Variants in MIDN observed in about 807,000 individuals in gnomAD.
MIDN encodes the protein midbrain nucleolar protein.
A neutral mutation model predicts 46.1 loss-of-function variants in MIDN; 26 were observed. That is an observed-to-expected ratio of 0.56 (90% CI 0.41 to 0.78). MIDN has a LOEUF of 0.78. Among genes scored for constraint, MIDN ranks in the 30% least tolerant of loss-of-function variants. The pLI is 0.00. For synonymous variants in MIDN, 432 were observed against 343.3 expected (o/e 1.26, Z -2.86); for missense variants, 850 against 771.8 (o/e 1.10, Z -1.20).
In MIDN at chr19:1,257,164, G is replaced by A. The variant is rs145309911; in HGVS notation, c.1428G>A (p.Gly476=). 52 of 1,611,608 alleles carry A rather than the reference G, an allele frequency of 3.2e-5. No homozygotes were observed. The African/African-American group carries it at 4.0e-4, about 12-fold the overall frequency. Reference sequence around the variant, plus strand: ...GCCGCAGCGACAGCAGTAGCAGCGGGGGCGGCGGCAGCCCCAGCGAGGCCT... The same window carrying A: ...GCCGCAGCGACAGCAGTAGCAGCGGAGGCGGCGGCAGCCCCAGCGAGGCCT... ...KAGRSDSSSS[G]GGGSPSEASG... The change falls in exon 9 of 9, where the codon GGG becomes GGA. Residue 476 remains glycine (G), a synonymous_variant. Coordinates refer to ENST00000682408, the MANE Select transcript of MIDN (RefSeq NM_001388306.1).
In MIDN at chr19:1,255,541, T is replaced by G; in HGVS notation, c.1105T>G (p.Ser369Ala). 6.2e-7 allele frequency: 1 copy of G among 1,611,880 alleles called. No individual in the cohort carries two copies. Among genetic ancestry groups the G allele is most frequent in the Non-Finnish European group, 8.5e-7 (1 of 1,179,550 alleles). The part of the protein sequence containing the change: ...ATRHYQGMPP[S>A]LAQLRCHAQC... The stretch of plus-strand genomic sequence containing the variant: ...CCGGCACTACCAGGGCATGCCCCCT[T>G]CGCTGGCCCAGCTCCGCTGCCACGC... Residue 369 changes from serine to alanine, a missense_variant, in exon 8 of 9, where the codon TCG becomes GCG. By Grantham distance (99) the Ser-to-Ala change is moderately conservative (BLOSUM62 1). Coordinates refer to ENST00000682408, the MANE Select transcript of MIDN (RefSeq NM_001388306.1).
chr19:1,253,043 C>CT (rs2081151694), intron 4 of MIDN, among the ~76,000 whole-genome samples: 2 of 49,262 alleles, frequency 4.1e-5, no homozygotes, highest in Non-Finnish European at 7.8e-5. Flanking sequence ...TTGGGGGGGG[C>CT]TGGAGGGGGT....
At chr19:1,255,885 G>C (rs1244082472) in intron 8 of MIDN, among the ~76,000 whole-genome samples, 191 bp downstream of exon 8, 1 of 152,250 alleles carries the variant, frequency 6.6e-6, no homozygotes, top group Non-Finnish European at 1.5e-5. Flanking sequence ...AAGTGTCCTT[G>C]TGTGCTCCCG....
In MIDN at chr19:1,257,683, G is replaced by A. The variant is rs756940491; in HGVS notation, c.*411G>A. 17 of 194,084 alleles carry A rather than the reference G, an allele frequency of 8.8e-5. No individual in the cohort carries two copies. Among genetic ancestry groups the A allele is most frequent in the African/African-American group, 2.1e-4 (9 of 41,910 alleles). The allele number at this position is 194,084 out of a possible 1,614,324, so 12.0% of individuals were successfully genotyped here. ...CCTTCCGCCGCCTCCTTTCCCCCCC[G>A]ACCCTATTCAGGTTTTAAGTCAAAA... On this transcript the variant is annotated 3_prime_UTR_variant, in exon 9 of 9. Coordinates refer to ENST00000682408, the MANE Select transcript of MIDN (RefSeq NM_001388306.1).
Position 1,257,485 on chromosome 19 carries a change from T to C in MIDN, c.*213T>C. ...TGGACTCTTCATGGGCTTTGCTTCC[T>C]ACCTCCTTCACCCTTCACTCCTGCC... On this transcript the variant is annotated 3_prime_UTR_variant, in exon 9 of 9. Coordinates refer to ENST00000682408, the MANE Select transcript of MIDN (RefSeq NM_001388306.1). The C allele has an allele frequency of 3.8e-6, 2 of 524,706 alleles. No individual in the cohort carries two copies. Among genetic ancestry groups the C allele is most frequent in the East Asian group, 6.7e-5 (2 of 29,868 alleles). The allele number at this position is 524,706 out of a possible 1,614,324, so 32.5% of individuals were successfully genotyped here. A position where few individuals can be genotyped will look rare whatever the true frequency, so the allele number is the denominator to read the frequency against.
At chr19:1,256,858 C>T (rs149580637) in intron 8 of MIDN, 137 bp from the exon 9 acceptor site, 14 of 1,306,674 alleles carry the variant, frequency 1.1e-5, no homozygotes, top group African/African-American at 3.0e-5. Flanking sequence ...ATGTCCTTGA[C>T]TGTTTCCTTT....
intron 2 of MIDN, 101 bp downstream of exon 2, chr19:1,250,630 G>A: frequency 2.0e-6 from 1 of 506,878 alleles, no homozygotes; most frequent in Non-Finnish European, 2.7e-6. Context: ...CGGCCAGACA[G>A]GGGGCGGGGG....
Position 1,257,090 on chromosome 19 carries a change from C to T in MIDN, c.1354C>T (p.Arg452Trp), listed in dbSNP as rs2081208114. ...GCAGAAACGGCTCCGTAGAAAGGCC[C>T]GGCGGGACGCGCGGGGTCCGTACCA... Reference protein sequence around the residue: ...LQQKRLRRKARRDARGPYHWS... With the variant: ...LQQKRLRRKAWRDARGPYHWS... Residue 452 changes from arginine (R) to tryptophan (W), a missense_variant, in exon 9 of 9, where the codon CGG becomes TGG. Arg to Trp is a moderately radical substitution (Grantham distance 101, BLOSUM62 -3). Coordinates refer to ENST00000682408, the MANE Select transcript of MIDN (RefSeq NM_001388306.1). 6 of 1,612,002 alleles carry T rather than the reference C, an allele frequency of 3.7e-6. No homozygotes were observed. Among genetic ancestry groups the T allele is most frequent in the Admixed American group, 3.3e-5 (2 of 59,980 alleles).
intron 4 of MIDN, among the ~76,000 whole-genome samples, chr19:1,252,974 C>T (rs1252812430): frequency 6.8e-6 from 1 of 146,582 alleles, no homozygotes; most frequent in African/African-American, 2.6e-5. Flanking sequence ...GGCAGGGGGC[C>T]CAGGGCGTGT....
In MIDN at chr19:1,249,973, C is replaced by T. The variant is rs1485785751; in HGVS notation, c.-324C>T. 6.6e-6 allele frequency: 1 copy of T among 151,800 alleles called. No individual in the cohort carries two copies. Among genetic ancestry groups the T allele is most frequent in the African/African-American group, 2.4e-5 (1 of 41,358 alleles). 9.4% of individuals were successfully genotyped at this position (151,800 alleles called of 1,614,324 possible). ...CCCGGGCGGCAGACGGCACCCAGCGCCACCAGCCGAGCGGCGCCCCCTCCC... is the reference window on the plus strand; with the variant it reads ...CCCGGGCGGCAGACGGCACCCAGCGTCACCAGCCGAGCGGCGCCCCCTCCC... On this transcript the variant is annotated 5_prime_UTR_variant, in exon 2 of 9. Coordinates refer to ENST00000682408, the MANE Select transcript of MIDN (RefSeq NM_001388306.1).
rs1369074841 is a variant in MIDN at position 1,251,586 on chromosome 19, G to A, written c.258G>A (p.Gln86=). ...GCCGGCTCAGTTCGGGGAAGCTGCA[G>A]GAGTTCGGCGTGGGTGATGGCAGCA... ...KDTRLSSGKL[Q]EFGVGDGSKL... Residue 86 remains glutamine, a synonymous_variant, in exon 3 of 9, where the codon CAG becomes CAA. Coordinates refer to ENST00000682408, the MANE Select transcript of MIDN (RefSeq NM_001388306.1). 3 of 1,606,854 alleles carry A rather than the reference G, an allele frequency of 1.9e-6. No individual in the cohort carries two copies. The highest frequency in any genetic ancestry group is 1.7e-6 in the Non-Finnish European group (2 of 1,177,722).
At chr19:1,256,953 G>A in intron 8 of MIDN, 42 bp from the exon 9 acceptor site, 1 of 1,600,734 alleles carries the variant, frequency 6.2e-7, no homozygotes, top group Non-Finnish European at 8.5e-7. Context: ...GTGTTCAGCA[G>A]GTGGAGGCTT....
chr19:1,254,298 G>A lies in MIDN; in HGVS notation c.645G>A (p.Ala215=), dbSNP rs1438011059. 8.9e-6 allele frequency: 14 copies of A among 1,568,298 alleles called. No homozygotes were observed. Among genetic ancestry groups the A allele is most frequent in the South Asian group, 4.6e-5 (4 of 87,812 alleles). ...PLQHRHVLAA[A]AAAAAARGDP... is the part of the protein sequence containing the mutation. Reference sequence around the variant, plus strand: ...AACACCGCCATGTGCTGGCCGCTGCGGCCGCCGCCGCTGCTGCGCGGGGGG... The same window carrying A: ...AACACCGCCATGTGCTGGCCGCTGCAGCCGCCGCCGCTGCTGCGCGGGGGG... The change falls in exon 6 of 9, where the codon GCG becomes GCA. Residue 215 remains alanine (A), a synonymous_variant. Transcript: ENST00000682408.
Position 1,254,154 on chromosome 19 carries a change from G to T in MIDN, c.514-13G>T. The T allele has an allele frequency of 6.3e-7, 1 of 1,588,346 alleles. No individual in the cohort carries two copies. On this transcript the variant is annotated splice_polypyrimidine_tract_variant and intron_variant, in intron 5 of 8. Transcript: ENST00000682408. ...AGCTGGGGCTCCCAGCTGACGGACC[G>T]CTCTCCTTGCAGGTCAGTGACTTCC... is the stretch of plus-strand genomic sequence containing the variant.
In MIDN at chr19:1,254,343, C is replaced by G. The variant is rs575435876; in HGVS notation, c.690C>G (p.Pro230=). 3.8e-4 allele frequency: 599 copies of G among 1,565,836 alleles called. 7 individuals carry two copies. The South Asian group carries it at 6.4e-3, about 17-fold the overall frequency. ...GGGGGGACCCCAGCATAGCCTCCCC[C>G]GTGTCCTCGCCCTGCCGGCCGGTGT... ...AARGDPSIAS[P]VSSPCRPVSS... is the part of the protein sequence containing the mutation. Residue 230 remains proline (P), a synonymous_variant, in exon 6 of 9, where the codon CCC becomes CCG. Transcript: ENST00000682408.
intron 2 of MIDN, among the ~76,000 whole-genome samples, chr19:1,250,855 C>G (rs1444431881): frequency 6.6e-6 from 1 of 152,074 alleles, no homozygotes; most frequent in Non-Finnish European, 1.5e-5. Flanking sequence ...TCCGCGCCGG[C>G]TTCCGCATCT....
At chr19:1,253,801 C>A in intron 4 of MIDN, 153 bp from the exon 5 acceptor site, 1 of 470,080 alleles carries the variant, frequency 2.1e-6, no homozygotes, top group Non-Finnish European at 3.3e-6. Context: ...TCTAGGGGCC[C>A]ATGAGGGTGG....
intron 4 of MIDN, among the ~76,000 whole-genome samples, chr19:1,252,504 G>A (rs1384813897): frequency 1.3e-5 from 2 of 152,122 alleles, no homozygotes; most frequent in East Asian, 3.9e-4. Flanking sequence ...CAGGAGGGAG[G>A]CTGGGGCTGG....
At chr19:1,253,834 T>C in intron 4 of MIDN, 120 bp from the exon 5 acceptor site, 2 of 768,846 alleles carry the variant, frequency 2.6e-6, no homozygotes, top group South Asian at 2.3e-5. Flanking sequence ...GTGAAGGTTG[T>C]TTGAGGTCAG....
Sources: allele counts gnomAD v4.1 joint callset (sites outside exome capture counted in the v4.1 genomes callset), GRCh38; gene constraint gnomAD v4.1.1; transcripts MANE v1.5; gene names NCBI Gene and HGNC (gene_info 2026-07-23, HGNC 2026-07-21).